TCP11L2: variants seen among roughly 807,000 people sequenced by gnomAD.
TCP11L2 encodes T-complex protein 11-like protein 2.
In TCP11L2, 39 loss-of-function variants were observed where a neutral mutation model predicts 50.7. That is an observed-to-expected ratio of 0.77 (90% CI 0.60 to 1.01). The LOEUF (loss-of-function observed/expected upper bound fraction) is 1.01. Ranked by LOEUF, TCP11L2 falls within the 50% of genes least tolerant of loss-of-function variation. The pLI is 0.00. For missense variants in TCP11L2, 612 were observed against 614.7 expected (o/e 1.00, Z 0.05); for synonymous variants, 192 against 219.3 (o/e 0.88, Z 1.10).
chr12:106,318,461 A>C lies in TCP11L2; in HGVS notation c.411A>C (p.Arg137Ser). ...CCATCAAACTGTTTGAAGAAATCAGAGAGGCAAGTTGCTTTGTTGTCTGTG... is the reference window on the plus strand; with the variant it reads ...CCATCAAACTGTTTGAAGAAATCAGCGAGGCAAGTTGCTTTGTTGTCTGTG... ...EHAIKLFEEI[R>S]EILLSFLTPG... Residue 137 changes from arginine (R) to serine (S), a missense_variant, in exon 4 of 10, where the codon AGA becomes AGC. Arg to Ser is a moderately radical substitution (Grantham distance 110). Coordinates refer to ENST00000299045, the MANE Select transcript of TCP11L2 (RefSeq NM_152772.3). 1 of 1,613,692 alleles carries C rather than the reference A, an allele frequency of 6.2e-7. No homozygotes were observed. The highest frequency in any genetic ancestry group is 8.5e-7 in the Non-Finnish European group (1 of 1,179,672).
At chr12:106,335,360 G>T (rs966682099) in intron 6 of TCP11L2, among the ~76,000 whole-genome samples, 1 of 152,180 alleles carries the variant, frequency 6.6e-6, no homozygotes, top group African/African-American at 2.4e-5. Flanking sequence ...GTGACATCTA[G>T]AATGTGCCAT....
At chr12:106,336,743 G>T (rs141757297) in intron 8 of TCP11L2, among the ~76,000 whole-genome samples, 10 of 152,120 alleles carry the variant, frequency 6.6e-5, no homozygotes, top group African/African-American at 2.4e-4. Flanking sequence ...AGTAGAGACC[G>T]GGTTTCACCA....
rs1345508540 is a variant in TCP11L2 at position 106,346,394 on chromosome 12, C to CA, written c.1424_1425insA (p.Leu476ProfsTer31). On this transcript the variant is annotated frameshift_variant, in exon 10 of 10. Coordinates refer to ENST00000299045, the MANE Select transcript of TCP11L2 (RefSeq NM_152772.3). LOFTEE classifies it high-confidence loss of function. ...GCTGTCATTCAGCAGGAGCTAGAAG[C>CA]CCTAGGCTCTCAATATGCAAACATT... 6.2e-7 allele frequency: 1 copy of CA among 1,614,158 alleles called. No homozygotes were observed. Among genetic ancestry groups the CA allele is most frequent in the South Asian group, 1.1e-5 (1 of 91,080 alleles).
At chr12:106,334,072 T>C (rs2035831747) in intron 6 of TCP11L2, among the ~76,000 whole-genome samples, 2 of 152,138 alleles carry the variant, frequency 1.3e-5, no homozygotes, top group Non-Finnish European at 2.9e-5. Context: ...GTATCAACAT[T>C]TAATGAACAG....
chr12:106,320,662 C>T (rs1365409874), intron 4 of TCP11L2, among the ~76,000 whole-genome samples: 1 of 152,162 alleles, frequency 6.6e-6, no homozygotes, highest in Non-Finnish European at 1.5e-5. Context: ...CCCTGAGCTG[C>T]CATGGTAGGC....
intron 6 of TCP11L2, among the ~76,000 whole-genome samples, chr12:106,335,210 T>G (rs1472920010): frequency 2.0e-5 from 3 of 152,214 alleles, no homozygotes; most frequent in Non-Finnish European, 4.4e-5. Flanking sequence ...GTGTGAAAAT[T>G]AATGCCTTTT....
rs367569137 is a variant in TCP11L2, at chr12:106,311,063, T to C, written c.-13T>C. The C allele has an allele frequency of 6.8e-6, 11 of 1,613,598 alleles. No individual in the cohort carries two copies. In the Admixed American group the frequency reaches 1.3e-4, roughly 20 times the overall value. On this transcript the variant is annotated 5_prime_UTR_variant, in exon 2 of 10. Coordinates refer to ENST00000299045, the MANE Select transcript of TCP11L2 (RefSeq NM_152772.3). Reference sequence around the variant, plus strand: ...CAGGTGCTACCTTTTTACCCACACTTAAGTGACGCAAAATGCCCTTCAATG... The same window carrying C: ...CAGGTGCTACCTTTTTACCCACACTCAAGTGACGCAAAATGCCCTTCAATG...
At chr12:106,303,776 T>G (rs1023768788) in intron 1 of TCP11L2, 2 of 152,112 alleles carry the variant, frequency 1.3e-5, no homozygotes, top group African/African-American at 4.8e-5. Flanking sequence ...AATAAATATA[T>G]TTAAATGCAA....
At position 106,313,582 on chromosome 12, in the gene TCP11L2, A is replaced by T. The variant is rs374862087; in HGVS notation, c.158-776A>T. ...CAACAGAGTGAGACTCCATCTCAAA[A>T]AAATAAATAAATAAATAAATAAATA... On this transcript the variant is annotated intron_variant, in intron 2 of 9. Coordinates refer to ENST00000299045, the MANE Select transcript of TCP11L2 (RefSeq NM_152772.3). Among the ~76,000 whole-genome samples the T allele has an allele frequency of 4.3e-5, 6 of 139,390 alleles. No homozygotes were observed. In the East Asian group the frequency reaches 1.2e-3, roughly 28 times the overall value. The allele number at this position is 139,390 out of a possible 152,430, so 91.4% of individuals were successfully genotyped here. A position where few individuals can be genotyped will look rare whatever the true frequency, so the allele number is the denominator to read the frequency against.
intron 6 of TCP11L2, chr12:106,329,552 C>T: frequency 7.1e-7 from 1 of 1,418,376 alleles, no homozygotes; most frequent in Non-Finnish European, 9.2e-7. Flanking sequence ...CTGAGCCCTG[C>T]CTCAGACAGA....
intron 6 of TCP11L2, among the ~76,000 whole-genome samples, chr12:106,328,146 C>T (rs776910357): frequency 2.0e-5 from 3 of 152,172 alleles, no homozygotes; most frequent in Non-Finnish European, 4.4e-5. Flanking sequence ...TTGTGATTGC[C>T]TTCACCTGTC....
rs546461855 is a variant in TCP11L2 at position 106,318,900 on chromosome 12, T to A, written c.414+436T>A. Reference sequence around the variant, plus strand: ...TAATTTTTTGTATTTTATTTTATTTTTTTTTTTTTTTTTATTTTTTTTGAG... The same window carrying A: ...TAATTTTTTGTATTTTATTTTATTTATTTTTTTTTTTTTATTTTTTTTGAG... On this transcript the variant is annotated intron_variant, in intron 4 of 9. Coordinates refer to ENST00000299045, the MANE Select transcript of TCP11L2 (RefSeq NM_152772.3). Among the ~76,000 whole-genome samples, 1,347 of 148,286 alleles carry A rather than the reference T, an allele frequency of 9.1e-3. 13 individuals carry two copies. The highest frequency in any genetic ancestry group is 0.026 in the African/African-American group (1,006 of 39,396).
chr12:106,311,346 C>T (rs1214352573), intron 2 of TCP11L2, 114 bp downstream of exon 2: 3 of 1,234,486 alleles, frequency 2.4e-6, no homozygotes, highest in East Asian at 2.4e-5. Flanking sequence ...TTTCTAGATG[C>T]ACCAGAATAG....
intron 9 of TCP11L2, among the ~76,000 whole-genome samples, chr12:106,342,421 C>G (rs1565862892): frequency 6.6e-6 from 1 of 152,110 alleles, no homozygotes; most frequent in Non-Finnish European, 1.5e-5. Context: ...ATCTATATAC[C>G]TTCACATGCT....
chr12:106,312,256 C>CTTTTTTTTTT (rs1565839680), intron 2 of TCP11L2: 1 of 310,264 alleles, frequency 3.2e-6, no homozygotes, highest in Non-Finnish European at 5.8e-6. Flanking sequence ...ATTTAGTTTC[C>CTTTTTTTTTT]ATTTTTTTTT....
chr12:106,320,966 C>T (rs1161110835), intron 4 of TCP11L2, among the ~76,000 whole-genome samples: 1 of 152,084 alleles, frequency 6.6e-6, no homozygotes, highest in Non-Finnish European at 1.5e-5. Flanking sequence ...CAATCATTAT[C>T]TTGTTTTTAT....
chr12:106,318,168 C>T (rs1228944706), intron 3 of TCP11L2, among the ~76,000 whole-genome samples, 176 bp from the exon 4 acceptor site: 1 of 151,290 alleles, frequency 6.6e-6, no homozygotes, highest in Non-Finnish European at 1.5e-5. Flanking sequence ...TATATATGCT[C>T]TTAGCTATGT....
At chr12:106,345,000 G>A (rs1056073077) in intron 9 of TCP11L2, among the ~76,000 whole-genome samples, 4 of 152,090 alleles carry the variant, frequency 2.6e-5, no homozygotes, top group African/African-American at 9.6e-5. Context: ...AACTTATTTA[G>A]TATTAATTAA....
chr12:106,328,813 G>C (rs985143716), intron 6 of TCP11L2, among the ~76,000 whole-genome samples: 1 of 152,156 alleles, frequency 6.6e-6, no homozygotes, highest in South Asian at 2.1e-4. Flanking sequence ...CACAAATCTG[G>C]ATAGGAAAAA....
Sources: gnomAD v4.1 joint callset for allele counts (sites outside exome capture counted in the v4.1 genomes callset) on GRCh38, gnomAD v4.1.1 for gene constraint, MANE v1.5 for transcripts, NCBI Gene and HGNC (gene_info 2026-07-23, HGNC 2026-07-21) for gene names.